PDK4: variants seen among roughly 807,000 people sequenced by gnomAD.
The protein encoded by PDK4 is pyruvate dehydrogenase kinase, isozyme 4.
In PDK4, 43 loss-of-function variants were observed where a neutral mutation model predicts 51.7. The ratio of observed to expected loss-of-function variants is 0.83; its 90% CI spans 0.65 to 1.07. The LOEUF (loss-of-function observed/expected upper bound fraction) is 1.07, where lower values mean the gene tolerates loss of function less well. PDK4 is among the 50% of genes least tolerant of loss of function. The pLI, the probability that PDK4 is intolerant of heterozygous loss-of-function variation, is 0.00. For missense variants in PDK4, 498 were observed against 503.5 expected (o/e 0.99, Z 0.10); for synonymous variants, 170 against 176.6 (o/e 0.96, Z 0.30).
rs1486988763 is a variant in PDK4, at chr7:95,585,726, T to C, written c.1151A>G (p.Lys384Arg). The C allele has an allele frequency of 6.2e-7, 1 of 1,607,754 alleles. No individual in the cohort carries two copies. The highest frequency in any genetic ancestry group is 8.5e-7 in the Non-Finnish European group (1 of 1,174,926). Residue 384 changes from lysine to arginine, a missense_variant, in exon 11 of 11, where the codon AAA (lysine) becomes AGA (arginine). Physicochemically the swap from Lys to Arg is conservative, Grantham distance 26 (BLOSUM62 2). Coordinates refer to ENST00000005178, the MANE Select transcript of PDK4 (RefSeq NM_002612.4). ...AGCCTCAGAGCTCATCTGATAATGT[T>C]TGAAGGCTGACTTGTTAAAAACTGG... ...KLPVFNKSAF[K>R]HYQMSSEADD...
rs775862416 is a variant in PDK4, at chr7:95,587,452, G to T, written c.947C>A (p.Thr316Lys). 6.2e-7 allele frequency: 1 copy of T among 1,608,682 alleles called. No homozygotes were observed. The highest frequency in any genetic ancestry group is 8.5e-7 in the Non-Finnish European group (1 of 1,175,030). Reference protein sequence around the residue: ...LFSYTYSTAPTPVMDNSRNAP... With the variant: ...LFSYTYSTAPKPVMDNSRNAP... ...ATTCCGGGAATTATCCATCACAGGCGTTGGTGCAGTGGAGTATGTATAACT... is the reference window on the plus strand; with the variant it reads ...ATTCCGGGAATTATCCATCACAGGCTTTGGTGCAGTGGAGTATGTATAACT... Residue 316 changes from threonine to lysine, a missense_variant, in exon 9 of 11, where the codon ACG becomes AAG. Transcript: ENST00000005178.
chr7:95,587,359 C>T (rs1791497373), intron 9 of PDK4, 59 bp downstream of exon 9: 1 of 1,021,214 alleles, frequency 9.8e-7, no homozygotes, highest in African/African-American at 1.6e-5. Context: ...CCTTGCAATC[C>T]TTGCTCTACA....
chr7:95,588,538 G>T (rs776353514), intron 7 of PDK4, among the ~76,000 whole-genome samples: 4 of 152,062 alleles, frequency 2.6e-5, no homozygotes, highest in Admixed American at 6.6e-5. Context: ...TCTGCTTTCT[G>T]GTTTTTAAAT....
chr7:95,587,078 A>G lies in PDK4; in HGVS notation c.1027T>C (p.Tyr343His), dbSNP rs765437670. ...GLPISRLYAK[Y>H]FQGDLNLYSL... ...TAGAGATTCAGATCTCCTTGAAAGT[A>G]CTTTGCATACAGACGAGAAATTGGC... Residue 343 changes from tyrosine to histidine, a missense_variant, in exon 10 of 11, where the codon TAC becomes CAC. Coordinates refer to ENST00000005178, the MANE Select transcript of PDK4 (RefSeq NM_002612.4). The G allele has an allele frequency of 6.2e-7, 1 of 1,612,770 alleles. No homozygotes were observed. Among genetic ancestry groups the G allele is most frequent in the East Asian group, 2.2e-5 (1 of 44,848 alleles).
chr7:95,593,941 C>T (rs1281772646), intron 2 of PDK4, among the ~76,000 whole-genome samples, 171 bp from the exon 3 acceptor site: 1 of 152,198 alleles, frequency 6.6e-6, no homozygotes, highest in Non-Finnish European at 1.5e-5. Flanking sequence ...AATGCTATAA[C>T]TTTTAATCCT....
chr7:95,585,834 A>ATTTGCAC (rs1466033299), intron 10 of PDK4, 53 bp from the exon 11 acceptor site: 5 of 1,503,942 alleles, frequency 3.3e-6, no homozygotes, highest in African/African-American at 2.8e-5. Context: ...GCATGGCATA[A>ATTTGCAC]TTTGCACTTG....
chr7:95,588,640 A>G (rs944932337), intron 7 of PDK4, among the ~76,000 whole-genome samples: 1 of 152,242 alleles, frequency 6.6e-6, no homozygotes, highest in African/African-American at 2.4e-5. Flanking sequence ...CATTAGAATA[A>G]GTTAGGAAAC....
intron 3 of PDK4, 142 bp from the exon 4 acceptor site, chr7:95,593,086 A>G (rs1791573163): frequency 2.0e-6 from 1 of 502,328 alleles, no homozygotes; most frequent in African/African-American, 1.9e-5. Context: ...GTCCTTTATT[A>G]GTAATCTCAC....
chr7:95,593,512 C>A (rs932696434), intron 3 of PDK4, among the ~76,000 whole-genome samples, 187 bp downstream of exon 3: 2 of 152,150 alleles, frequency 1.3e-5, no homozygotes, highest in African/African-American at 4.8e-5. Context: ...TCTTCACACT[C>A]AGCATCATTT....
chr7:95,595,793 C>G (rs1029083001), intron 1 of PDK4, among the ~76,000 whole-genome samples: 1 of 152,168 alleles, frequency 6.6e-6, no homozygotes, highest in Non-Finnish European at 1.5e-5. Flanking sequence ...CTATTTAATA[C>G]TATTCAGAAA....
At position 95,587,341 on chromosome 7, in the gene PDK4, A is replaced by G. The variant is rs113756493; in HGVS notation, c.981+77T>C. On this transcript the variant is annotated intron_variant, in intron 9 of 10. Transcript: ENST00000005178. ...TTTTACTTAATTGATGAACTTGTCT[A>G]AATAATCCCTTGCAATCCTTGCTCT... 4.8e-5 allele frequency: 44 copies of G among 925,028 alleles called. 1 individual carries two copies. The African/African-American group carries it at 5.5e-4, about 12-fold the overall frequency. The allele number at this position is 925,028 out of a possible 1,614,324, so 57.3% of individuals were successfully genotyped here. A position where few individuals can be genotyped will look rare whatever the true frequency, so the allele number is the denominator to read the frequency against.
rs574602410 is a variant in PDK4, at chr7:95,593,540, C to T, written c.344+159G>A. Among the ~76,000 whole-genome samples the T allele has an allele frequency of 1.6e-3, 249 of 152,212 alleles. 1 individual carries two copies. Among genetic ancestry groups the T allele is most frequent in the South Asian group, 4.1e-3 (20 of 4,832 alleles). On this transcript the variant is annotated intron_variant, in intron 3 of 10. Transcript: ENST00000005178. ...CATCATTTTCAATGCCATATTTCTT[C>T]GCTTCTGAAAAACCAACAAGCCAAA...
Position 95,596,148 on chromosome 7 carries a change from C to A in PDK4, c.130+16G>T, listed in dbSNP as rs779755950. ...CCAACCCTAGGACCCAGCTTGGGCCCTGTGTCCCCTCTCACCAAAGTCCAG... is the reference window on the plus strand; with the variant it reads ...CCAACCCTAGGACCCAGCTTGGGCCATGTGTCCCCTCTCACCAAAGTCCAG... On this transcript the variant is annotated intron_variant, in intron 1 of 10. Transcript: ENST00000005178. 1 of 1,597,370 alleles carries A rather than the reference C, an allele frequency of 6.3e-7. No individual in the cohort carries two copies. The highest frequency in any genetic ancestry group is 8.5e-7 in the Non-Finnish European group (1 of 1,172,308).
In PDK4 at chr7:95,596,414, T is replaced by G; in HGVS notation, c.-121A>C. On this transcript the variant is annotated 5_prime_UTR_variant, in exon 1 of 11. Coordinates refer to ENST00000005178, the MANE Select transcript of PDK4 (RefSeq NM_002612.4). The stretch of plus-strand genomic sequence containing the variant: ...GGGCGAGGACTGCAGGTGCGCTGGC[T>G]GGCTTGTGCGCCCCGGCCTGGGCTG... 7.7e-6 allele frequency: 9 copies of G among 1,165,862 alleles called. No individual in the cohort carries two copies. Among genetic ancestry groups the G allele is most frequent in the Non-Finnish European group, 1.0e-5 (9 of 874,340 alleles). 72.2% of individuals were successfully genotyped at this position (1,165,862 alleles called of 1,614,324 possible). A position where few individuals can be genotyped will look rare whatever the true frequency, so the allele number is the denominator to read the frequency against.
At chr7:95,586,943 G>C in intron 10 of PDK4, 67 bp downstream of exon 10, 1 of 854,826 alleles carries the variant, frequency 1.2e-6, no homozygotes, top group East Asian at 2.4e-5. Context: ...CCAGACCATA[G>C]CACTCAAGGC....
intron 8 of PDK4, 35 bp downstream of exon 8, chr7:95,587,692 A>T (rs772641810): frequency 6.9e-7 from 1 of 1,441,076 alleles, no homozygotes; most frequent in South Asian, 1.1e-5. Context: ...TAATTCTCTC[A>T]AGAGACACCC....
Position 95,583,581 on chromosome 7 carries a change from C to T in PDK4, c.*2060G>A, listed in dbSNP as rs1403232266. Reference sequence around the variant, plus strand: ...CATAAAGACAAAAACACAATGTATACATTAATAATTTAAGTGGGCCTGAGT... The same window carrying T: ...CATAAAGACAAAAACACAATGTATATATTAATAATTTAAGTGGGCCTGAGT... On this transcript the variant is annotated 3_prime_UTR_variant, in exon 11 of 11. Coordinates refer to ENST00000005178, the MANE Select transcript of PDK4 (RefSeq NM_002612.4). 6.6e-6 allele frequency: 1 copy of T among 152,266 alleles called. No individual in the cohort carries two copies. The highest frequency in any genetic ancestry group is 1.5e-5 in the Non-Finnish European group (1 of 68,008). 9.4% of individuals were successfully genotyped at this position (152,266 alleles called of 1,614,324 possible).
At chr7:95,587,931 G>A in intron 7 of PDK4, 106 bp from the exon 8 acceptor site, 1 of 733,242 alleles carries the variant, frequency 1.4e-6, no homozygotes, top group Non-Finnish European at 2.3e-6. Context: ...GTAATTCAAA[G>A]TTCCTATTTT....
At position 95,592,506 on chromosome 7, in the gene PDK4, C is replaced by T; in HGVS notation, c.616+5G>A. 1 of 1,558,832 alleles carries T rather than the reference C, an allele frequency of 6.4e-7. No individual in the cohort carries two copies. The highest frequency in any genetic ancestry group is 8.9e-7 in the Non-Finnish European group (1 of 1,129,706). Reference sequence around the variant, plus strand: ...ATAAGGGAAGTGCAGAAATACAGAACATACCTTGGACCACTGCTACCACAT... The same window carrying T: ...ATAAGGGAAGTGCAGAAATACAGAATATACCTTGGACCACTGCTACCACAT... On this transcript the variant is annotated splice_donor_5th_base_variant and intron_variant, in intron 5 of 10. Coordinates refer to ENST00000005178, the MANE Select transcript of PDK4 (RefSeq NM_002612.4).
Sources: gnomAD v4.1 joint callset for allele counts (sites outside exome capture counted in the v4.1 genomes callset) on GRCh38, gnomAD v4.1.1 for gene constraint, MANE v1.5 for transcripts, NCBI Gene and HGNC (gene_info 2026-07-23, HGNC 2026-07-21) for gene names.